The following RNLS variants were observed in gnomAD, a reference collection of about 807,000 sequenced individuals.
The protein encoded by RNLS is renalase, FAD dependent amine oxidase.
In RNLS, 39 loss-of-function variants were observed where a neutral mutation model predicts 39.8. The observed-to-expected ratio is 0.98, with a 90% CI of 0.76 to 1.28. RNLS has a LOEUF of 1.28. RNLS is among the 50% of genes most tolerant of loss of function. The pLI is 0.00. For synonymous variants in RNLS, 147 were observed against 150.7 expected (o/e 0.98, Z 0.18); for missense variants, 410 against 413.3 (o/e 0.99, Z 0.07).
intron 5 of RNLS, among the ~76,000 whole-genome samples, chr10:88,361,712 T>C (rs551869947): frequency 1.4e-4 from 21 of 152,274 alleles, no homozygotes; most frequent in African/African-American, 5.1e-4. Flanking sequence ...GAGACATTAG[T>C]TGGTGATTTT....
At position 88,445,855 on chromosome 10, in the gene RNLS, A is replaced by G. The variant is rs949405737; in HGVS notation, c.527-83130T>C. Among the ~76,000 whole-genome samples the G allele has an allele frequency of 6.0e-4, 91 of 152,196 alleles. 1 individual carries two copies. Among genetic ancestry groups the G allele is most frequent in the Non-Finnish European group, 1.9e-4 (13 of 68,036 alleles). Reference sequence around the variant, plus strand: ...TACAAAGAGACTTAGACTCTCACACAATAATAATGGGAAACTTTAATACCC... The same window carrying G: ...TACAAAGAGACTTAGACTCTCACACGATAATAATGGGAAACTTTAATACCC... On this transcript the variant is annotated intron_variant, in intron 4 of 6. Coordinates refer to ENST00000331772, the MANE Select transcript of RNLS (RefSeq NM_001031709.3).
chr10:88,524,956 C>CACACACATATATATATAT (rs768939981), intron 4 of RNLS, among the ~76,000 whole-genome samples: 1 of 76,280 alleles, frequency 1.3e-5, no homozygotes, highest in African/African-American at 4.6e-5. Context: ...ATGGCACACA[C>CACACACATATATATATAT]ATACATATAT....
At chr10:88,504,096 G>A (rs529297128) in intron 4 of RNLS, among the ~76,000 whole-genome samples, 5 of 152,224 alleles carry the variant, frequency 3.3e-5, no homozygotes, top group Non-Finnish European at 2.9e-5. Context: ...AGATTTTCCA[G>A]TCCCAGCTAA....
chr10:88,294,643 A>G (rs1843939792), intron 6 of RNLS, among the ~76,000 whole-genome samples: 1 of 152,120 alleles, frequency 6.6e-6, no homozygotes, highest in South Asian at 2.1e-4. Context: ...TTGGTAAGAG[A>G]TATTTGATGT....
chr10:88,354,180 C>G (rs1416952935), intron 5 of RNLS, among the ~76,000 whole-genome samples: 1 of 152,154 alleles, frequency 6.6e-6, no homozygotes, highest in African/African-American at 2.4e-5. Flanking sequence ...ATTTGCCAGT[C>G]TCTGTCTTTT....
intron 4 of RNLS, among the ~76,000 whole-genome samples, chr10:88,536,617 A>G (rs902567201): frequency 3.9e-5 from 6 of 152,048 alleles, no homozygotes; most frequent in Non-Finnish European, 8.8e-5. Context: ...TCTGCGTCAC[A>G]CTGGCTTCCT....
intron 4 of RNLS, among the ~76,000 whole-genome samples, chr10:88,382,221 A>G (rs753293072): frequency 2.0e-5 from 3 of 152,114 alleles, no homozygotes; most frequent in Non-Finnish European, 4.4e-5. Flanking sequence ...CAGTAAAAGA[A>G]GAGAAAAGTG....
chr10:88,210,586 G>A, the RNLS span, among the ~76,000 whole-genome samples: 9 of 152,166 alleles, frequency 5.9e-5, no homozygotes, highest in South Asian at 1.0e-3. Flanking sequence ...CATTTACCAC[G>A]CACATAATCA....
chr10:88,495,829 G>T (rs1388763035), intron 4 of RNLS, among the ~76,000 whole-genome samples: 2 of 152,228 alleles, frequency 1.3e-5, no homozygotes, highest in East Asian at 3.9e-4. Flanking sequence ...AGCGAATTTA[G>T]GAATATGCAT....
intron 4 of RNLS, among the ~76,000 whole-genome samples, chr10:88,370,902 T>C (rs1850511219): frequency 6.6e-6 from 1 of 152,180 alleles, no homozygotes; most frequent in Non-Finnish European, 1.5e-5. Flanking sequence ...TCTATAGGTA[T>C]AGAAGTCATT....
At chr10:88,448,215 A>C (rs2133882443) in intron 4 of RNLS, among the ~76,000 whole-genome samples, 1 of 152,382 alleles carries the variant, frequency 6.6e-6, no homozygotes, top group East Asian at 1.9e-4. Flanking sequence ...ATCAGAGTGA[A>C]CAGGCAACCT....
In RNLS at chr10:88,284,555, A is replaced by G. The variant is rs1168581224; in HGVS notation, c.*799T>C. On this transcript the variant is annotated 3_prime_UTR_variant, in exon 7 of 7. Coordinates refer to ENST00000331772, the MANE Select transcript of RNLS (RefSeq NM_001031709.3). ...TGTTGTGTTAAATTCATTAAACTCG[A>G]CACAGTCTAAATGCCACAGCACATA... The G allele has an allele frequency of 1.0e-6, 1 of 985,226 alleles. No homozygotes were observed. The highest frequency in any genetic ancestry group is 1.2e-6 in the Non-Finnish European group (1 of 829,886). 61.0% of individuals were successfully genotyped at this position (985,226 alleles called of 1,614,324 possible). A position where few individuals can be genotyped will look rare whatever the true frequency, so the allele number is the denominator to read the frequency against.
At chr10:88,522,502 T>G (rs140704083) in intron 4 of RNLS, among the ~76,000 whole-genome samples, 1 of 152,198 alleles carries the variant, frequency 6.6e-6, no homozygotes, top group Non-Finnish European at 1.5e-5. Context: ...AACTGCAGGT[T>G]AAATACAAGC....
intron 5 of RNLS, among the ~76,000 whole-genome samples, chr10:88,355,976 C>G (rs931315178): frequency 6.6e-6 from 1 of 152,034 alleles, no homozygotes; most frequent in Non-Finnish European, 1.5e-5. Flanking sequence ...GTGCTGGCAA[C>G]GAGAGATGAG....
At chr10:88,563,262 A>G (rs961038539) in intron 4 of RNLS, among the ~76,000 whole-genome samples, 4 of 152,168 alleles carry the variant, frequency 2.6e-5, no homozygotes, top group Non-Finnish European at 5.9e-5. Flanking sequence ...AAACAGGACA[A>G]AAATCAAGCG....
At chr10:88,393,087 A>C (rs1321779257) in intron 4 of RNLS, among the ~76,000 whole-genome samples, 1 of 152,242 alleles carries the variant, frequency 6.6e-6, no homozygotes, top group South Asian at 2.1e-4. Flanking sequence ...CCAATATCAT[A>C]CTGAATGGGC....
At chr10:88,551,403 T>C (rs1030589037) in intron 4 of RNLS, among the ~76,000 whole-genome samples, 2 of 152,216 alleles carry the variant, frequency 1.3e-5, no homozygotes, top group Admixed American at 6.5e-5. Flanking sequence ...CTAATGTGGA[T>C]GGCAAGATCT....
intron 4 of RNLS, among the ~76,000 whole-genome samples, chr10:88,537,029 T>C (rs560621536): frequency 6.6e-6 from 1 of 152,334 alleles, no homozygotes; most frequent in Non-Finnish European, 1.5e-5. Context: ...AAAAGCAACC[T>C]GGATTATTAA....
chr10:88,319,589 C>T (rs1054862169), intron 5 of RNLS, among the ~76,000 whole-genome samples: 1 of 151,434 alleles, frequency 6.6e-6, no homozygotes, highest in Admixed American at 6.6e-5. Context: ...AGAAAAAAAA[C>T]CCAAACAATT....
Sources: allele counts gnomAD v4.1 joint callset (sites outside exome capture counted in the v4.1 genomes callset), GRCh38; gene constraint gnomAD v4.1.1; transcripts MANE v1.5; gene names NCBI Gene and HGNC (gene_info 2026-07-23, HGNC 2026-07-21).